The following UNC80 variants were observed in gnomAD, a reference collection of about 807,000 sequenced individuals.
UNC80 encodes unc-80 subunit of NALCN channel complex.
In UNC80, 164 loss-of-function variants were observed where a neutral mutation model predicts 384.6. That is an observed-to-expected ratio of 0.43 (90% CI 0.38 to 0.49). The LOEUF (loss-of-function observed/expected upper bound fraction) is 0.49, where lower values mean the gene tolerates loss of function less well. Among genes scored for constraint, UNC80 ranks in the 20% least tolerant of loss-of-function variants. The pLI is 0.00. For missense variants in UNC80, 3,330 were observed against 4,143.0 expected, an observed-to-expected ratio of 0.80 and a Z score of 5.39; for synonymous variants, 1,486 against 1,527.8, an observed-to-expected ratio of 0.97 and a Z score of 0.64.
chr2:209,918,777 G>A (rs1387447579), intron 33 of UNC80, 114 bp downstream of exon 33: 3 of 1,212,458 alleles, frequency 2.5e-6, no homozygotes, highest in Non-Finnish European at 3.3e-6. Flanking sequence ...CAGAAAGTCA[G>A]CACAAAAGAT....
Position 209,834,963 on chromosome 2 carries a change from G to A in UNC80, c.2994G>A (p.Glu998=). ...AAGGCCAGGTATCCTCTGCACCTGA[G>A]GAATGTCGCAGCTTCATGTCTGGTC... ...VDKGQVSSAP[E]ECRSFMSGRP... The change falls in exon 18 of 65, where the codon GAG becomes GAA. Residue 998 remains glutamate (E), a synonymous_variant. Transcript: ENST00000673920. The A allele has an allele frequency of 6.4e-7, 1 of 1,551,280 alleles. No homozygotes were observed. Among genetic ancestry groups the A allele is most frequent in the Non-Finnish European group, 8.7e-7 (1 of 1,146,626 alleles).
Position 209,938,676 on chromosome 2 carries a change from GTCTCTCTCTCTC to G in UNC80, c.6466-772_6466-761del, listed in dbSNP as rs10555565. 5.4e-4 allele frequency among the ~76,000 whole-genome samples: 74 copies of G among 137,466 alleles called. 1 individual carries two copies. The East Asian group carries it at 0.011, about 20-fold the overall frequency. 90.2% of individuals were successfully genotyped at this position (137,466 alleles called of 152,430 possible). ...CAATAATGGTGCTTGCCTAGTCTCT[GTCTCTCTCTCTC>G]TCTCTCTCTCTCTCTCTCTCTCTGT... On this transcript the variant is annotated intron_variant, in intron 42 of 64. Coordinates refer to ENST00000673920, the MANE Select transcript of UNC80 (RefSeq NM_001371986.1).
At chr2:209,773,572 A>G (rs1461413475) in intron 2 of UNC80, among the ~76,000 whole-genome samples, 2 of 152,214 alleles carry the variant, frequency 1.3e-5, no homozygotes, top group African/African-American at 4.8e-5. Flanking sequence ...ATGTTAAAGG[A>G]AATTAGCACC....
intron 22 of UNC80, among the ~76,000 whole-genome samples, chr2:209,860,003 T>C (rs1031920966): frequency 6.6e-6 from 1 of 152,240 alleles, no homozygotes; most frequent in Non-Finnish European, 1.5e-5. Context: ...TAGTTTCTTT[T>C]GCTGTGCAGA....
chr2:209,870,909 T>C (rs1047696940), intron 22 of UNC80, among the ~76,000 whole-genome samples: 5 of 151,852 alleles, frequency 3.3e-5, no homozygotes, highest in Admixed American at 6.6e-5. Context: ...AGAAAAGGAG[T>C]TTCAAGGCTC....
At chr2:209,954,444 A>G in intron 48 of UNC80, 174 bp downstream of exon 48, 1 of 475,570 alleles carries the variant, frequency 2.1e-6, no homozygotes. Flanking sequence ...GAGTTATTTG[A>G]ATAAATAATG....
In UNC80 at chr2:209,803,764, A is replaced by C. The variant is rs1574507600; in HGVS notation, c.939-9816A>C. Among the ~76,000 whole-genome samples the C allele has an allele frequency of 2.0e-5, 3 of 151,924 alleles. No homozygotes were observed. In the South Asian group the frequency reaches 6.2e-4, roughly 32 times the overall value. On this transcript the variant is annotated intron_variant, in intron 7 of 64. Coordinates refer to ENST00000673920, the MANE Select transcript of UNC80 (RefSeq NM_001371986.1). ...TTTAATTTTTTAGAGACAGGGTCTC[A>C]CTCTGCCACTGAGACTGGAGTGCAG...
intron 7 of UNC80, among the ~76,000 whole-genome samples, chr2:209,807,742 T>C (rs1008289429): frequency 6.6e-6 from 1 of 152,208 alleles, no homozygotes; most frequent in East Asian, 1.9e-4. Flanking sequence ...TGACTTTTAT[T>C]GGATGGTGAT....
chr2:209,849,331 AGAAAGT>A, intron 21 of UNC80, 114 bp from the exon 22 acceptor site: 3 of 1,120,990 alleles, frequency 2.7e-6, no homozygotes, highest in Admixed American at 2.6e-5. Flanking sequence ...GGAGTGAAGG[AGAAAGT>A]TTTCTGGCCA....
chr2:209,946,379 A>AAG lies in UNC80; in HGVS notation c.7286+437_7286+438insGA, dbSNP rs2091917297. Among the ~76,000 whole-genome samples the AAG allele has an allele frequency of 2.0e-5, 3 of 151,970 alleles. No homozygotes were observed. In the South Asian group the frequency reaches 6.2e-4, roughly 32 times the overall value. On this transcript the variant is annotated intron_variant, in intron 47 of 64. Transcript: ENST00000673920. ...AGTAAGACTTTGTCAGAAAAAAAAAAAAAGAAAGAAAGAAAAAAGAAAAGG... is the reference window on the plus strand; with the variant it reads ...AGTAAGACTTTGTCAGAAAAAAAAAAAGAAAGAAAGAAAGAAAAAAGAAAAGG...
rs1241686772 is a variant in UNC80, at chr2:209,998,690, T to G, written c.*3095T>G. The G allele has an allele frequency of 6.6e-6, 1 of 152,204 alleles. No homozygotes were observed. The highest frequency in any genetic ancestry group is 2.4e-5 in the African/African-American group (1 of 41,450). 9.4% of individuals were successfully genotyped at this position (152,204 alleles called of 1,614,324 possible). A position where few individuals can be genotyped will look rare whatever the true frequency, so the allele number is the denominator to read the frequency against. Reference sequence around the variant, plus strand: ...GGGGCTTTTAGGGAAGAAAGGGTCATAAATGAATAGAAGTACAGTCTGAAA... The same window carrying G: ...GGGGCTTTTAGGGAAGAAAGGGTCAGAAATGAATAGAAGTACAGTCTGAAA... On this transcript the variant is annotated 3_prime_UTR_variant, in exon 65 of 65. Coordinates refer to ENST00000673920, the MANE Select transcript of UNC80 (RefSeq NM_001371986.1).
chr2:209,915,505 T>G (rs1484619606), intron 31 of UNC80, among the ~76,000 whole-genome samples: 5 of 151,742 alleles, frequency 3.3e-5, no homozygotes, highest in Non-Finnish European at 5.9e-5. Flanking sequence ...CTAGCATGGC[T>G]TTTGTAGAGG....
chr2:209,901,375 G>C (rs766462182), intron 28 of UNC80, among the ~76,000 whole-genome samples: 1 of 152,024 alleles, frequency 6.6e-6, no homozygotes, highest in Non-Finnish European at 1.5e-5. Context: ...AATAAAGCCC[G>C]GATGACAGCC....
intron 28 of UNC80, among the ~76,000 whole-genome samples, chr2:209,896,769 C>A (rs1238994238): frequency 6.6e-6 from 1 of 152,074 alleles, no homozygotes; most frequent in Non-Finnish European, 1.5e-5. Flanking sequence ...AGAGCACGGT[C>A]ATGGTGTTGC....
intron 36 of UNC80, among the ~76,000 whole-genome samples, chr2:209,929,105 G>T (rs1049666955): frequency 1.3e-5 from 2 of 152,020 alleles, no homozygotes; most frequent in African/African-American, 2.4e-5. Flanking sequence ...TGTATGGCTT[G>T]TTTCTGAATC....
At position 209,839,253 on chromosome 2, in the gene UNC80, C is replaced by A. The variant is rs775377500; in HGVS notation, c.3073C>A (p.Arg1025=). 6.4e-7 allele frequency: 1 copy of A among 1,551,370 alleles called. No individual in the cohort carries two copies. Among genetic ancestry groups the A allele is most frequent in the Non-Finnish European group, 8.7e-7 (1 of 1,146,988 alleles). The change falls in exon 19 of 65, where the codon CGG becomes AGG. Residue 1025 remains arginine (R), a synonymous_variant. Transcript: ENST00000673920. The surrounding 1 kb of genome is among the most constrained non-coding windows in gnomAD (Gnocchi z 4.1). ...ACAAATGCAAGGAGCCAACTTGGGG[C>A]GGAAAGATTTCTGGCGTAAGATGTT... is the stretch of plus-strand genomic sequence containing the variant. The part of the protein sequence containing the change: ...DEQMQGANLG[R]KDFWRKMFKS...
At position 209,833,562 on chromosome 2, in the gene UNC80, A is replaced by G. The variant is rs181854242; in HGVS notation, c.2776-440A>G. Among the ~76,000 whole-genome samples the G allele has an allele frequency of 1.1e-3, 172 of 152,256 alleles. 5 individuals carry two copies. The East Asian group carries it at 0.029, about 25-fold the overall frequency. ...TAGAAGTGTCTGGAGGACTTAACAT[A>G]TTTTGTCATAATGTTGCAGAAAATT... On this transcript the variant is annotated intron_variant, in intron 16 of 64. Transcript: ENST00000673920.
At chr2:209,787,793 T>C (rs11674672) in intron 5 of UNC80, among the ~76,000 whole-genome samples, 22,240 of 152,100 alleles carry the variant, frequency 0.15, 2,413 homozygotes, top group African/African-American at 0.3. Flanking sequence ...TACTATACCA[T>C]ACTTTTCATT....
chr2:209,880,717 G>GTAC (rs2085212293), intron 24 of UNC80, among the ~76,000 whole-genome samples: 3 of 152,138 alleles, frequency 2.0e-5, no homozygotes. Flanking sequence ...GCACTCTGTA[G>GTAC]AATTTGCAAA....
Sources: gnomAD v4.1 joint callset for allele counts (sites outside exome capture counted in the v4.1 genomes callset) on GRCh38, gnomAD v4.1.1 for gene constraint, Gnocchi (gnomAD v3.1) non-coding constraint, MANE v1.5 for transcripts, NCBI Gene and HGNC (gene_info 2026-07-23, HGNC 2026-07-21) for gene names.